Variants in NR6A1 observed in about 807,000 individuals in gnomAD.
NR6A1 encodes retinoic acid receptor-related testis-associated receptor.
A neutral mutation model predicts 59.1 loss-of-function variants in NR6A1; 7 were observed. The ratio of observed to expected loss-of-function variants is 0.12; its 90% CI spans 0.07 to 0.22. The LOEUF is 0.22. NR6A1 is among the 10% of genes least tolerant of loss of function. NR6A1 has a pLI of 1.00. For missense variants in NR6A1, 468 were observed against 611.6 expected, an observed-to-expected ratio of 0.77 and a Z score of 2.48; for synonymous variants, 243 against 236.1, an observed-to-expected ratio of 1.03 and a Z score of -0.27.
chr9:124,614,132 TG>T (rs1273694673), intron 2 of NR6A1, among the ~76,000 whole-genome samples: 1 of 152,020 alleles, frequency 6.6e-6, no homozygotes, highest in East Asian at 1.9e-4. Context: ...GATTAGAAGC[TG>T]GGAGTCCAGG....
chr9:124,622,632 G>C (rs1836110011), intron 2 of NR6A1, among the ~76,000 whole-genome samples: 1 of 152,038 alleles, frequency 6.6e-6, no homozygotes, highest in Non-Finnish European at 1.5e-5. Flanking sequence ...CTTTTGTTTT[G>C]ATACTTGATA....
intron 2 of NR6A1, among the ~76,000 whole-genome samples, chr9:124,587,031 C>T (rs1322294717): frequency 3.3e-5 from 5 of 152,174 alleles, no homozygotes; most frequent in African/African-American, 1.2e-4. Context: ...GGCTTCATTG[C>T]CTTATTTTAA....
chr9:124,739,058 G>A (rs560133667), intron 1 of NR6A1, among the ~76,000 whole-genome samples: 1 of 150,620 alleles, frequency 6.6e-6, no homozygotes, highest in East Asian at 2.0e-4. Context: ...GGTGGTGGCA[G>A]GTGCCTATAA....
At chr9:124,650,453 G>A (rs991306402) in intron 2 of NR6A1, among the ~76,000 whole-genome samples, 4 of 152,150 alleles carry the variant, frequency 2.6e-5, no homozygotes, top group Non-Finnish European at 5.9e-5. Flanking sequence ...AGGGACAGTG[G>A]GGGATGAAGA....
intron 2 of NR6A1, among the ~76,000 whole-genome samples, chr9:124,635,930 A>G (rs923356526): frequency 1.3e-5 from 2 of 152,238 alleles, no homozygotes; most frequent in Non-Finnish European, 2.9e-5. Flanking sequence ...ATTTTGTAAG[A>G]CAAACTGTCT....
chr9:124,700,754 C>CTTTTT (rs35704226), intron 2 of NR6A1, among the ~76,000 whole-genome samples: 12 of 91,286 alleles, frequency 1.3e-4, no homozygotes, highest in Admixed American at 5.1e-4. Flanking sequence ...TTTACATAGC[C>CTTTTT]TTTTTTTTTT....
intron 7 of NR6A1, among the ~76,000 whole-genome samples, chr9:124,529,924 T>TG (rs1833050449): frequency 6.6e-6 from 1 of 152,034 alleles, no homozygotes; most frequent in South Asian, 2.1e-4. Context: ...GGGGATGAAA[T>TG]GGGGTAGGGC....
intron 2 of NR6A1, chr9:124,599,358 G>A: frequency 2.8e-6 from 1 of 359,858 alleles, no homozygotes; most frequent in South Asian, 2.3e-5. Flanking sequence ...GGCGGAGGTT[G>A]CAGTGAGCCG....
intron 3 of NR6A1, among the ~76,000 whole-genome samples, chr9:124,551,560 TGTAA>T (rs1202446761): frequency 6.6e-6 from 1 of 152,242 alleles, no homozygotes; most frequent in Non-Finnish European, 1.5e-5. Flanking sequence ...TTTGTTTGTA[TGTAA>T]TTCTTTTTGT....
At chr9:124,526,533 A>G (rs1832943272) in intron 8 of NR6A1, among the ~76,000 whole-genome samples, 1 of 152,010 alleles carries the variant, frequency 6.6e-6, no homozygotes, top group Non-Finnish European at 1.5e-5. Flanking sequence ...TTCCTCTATG[A>G]GTTATAGAGA....
At chr9:124,654,041 T>C (rs1174593545) in intron 2 of NR6A1, among the ~76,000 whole-genome samples, 1 of 152,154 alleles carries the variant, frequency 6.6e-6, no homozygotes, top group African/African-American at 2.4e-5. Flanking sequence ...TGTATGAAAA[T>C]GCTGGAAGAA....
At chr9:124,560,401 C>T (rs1393745758) in intron 2 of NR6A1, among the ~76,000 whole-genome samples, 1 of 152,002 alleles carries the variant, frequency 6.6e-6, no homozygotes, top group Non-Finnish European at 1.5e-5. Flanking sequence ...TTATTTCTTC[C>T]ATCTCCTTCT....
chr9:124,739,404 T>C (rs964390746), intron 1 of NR6A1, among the ~76,000 whole-genome samples: 1 of 152,230 alleles, frequency 6.6e-6, no homozygotes, highest in African/African-American at 2.4e-5. Flanking sequence ...AGTCTAGGAA[T>C]CTTATTTCAT....
intron 2 of NR6A1, among the ~76,000 whole-genome samples, chr9:124,561,015 G>GA (rs1834070629): frequency 6.6e-6 from 1 of 152,144 alleles, no homozygotes; most frequent in Non-Finnish European, 1.5e-5. Flanking sequence ...GGATAGAAAA[G>GA]AAAATGACAG....
At chr9:124,565,500 T>C (rs1015320246) in intron 2 of NR6A1, among the ~76,000 whole-genome samples, 2 of 151,754 alleles carry the variant, frequency 1.3e-5, no homozygotes, top group East Asian at 3.9e-4. Flanking sequence ...GAAGAAAACA[T>C]TGATAAAATG....
chr9:124,727,921 G>C (rs1034282322), intron 2 of NR6A1, among the ~76,000 whole-genome samples: 2 of 152,052 alleles, frequency 1.3e-5, no homozygotes, highest in African/African-American at 4.8e-5. Context: ...CTGACCTCAT[G>C]ATCTGCCCAC....
chr9:124,570,170 T>C (rs1402100122), intron 2 of NR6A1, among the ~76,000 whole-genome samples: 1 of 152,208 alleles, frequency 6.6e-6, no homozygotes, highest in East Asian at 1.9e-4. Flanking sequence ...GATGAATACA[T>C]AATTGACTAT....
chr9:124,614,801 A>C (rs1835843865), intron 2 of NR6A1, among the ~76,000 whole-genome samples: 1 of 152,206 alleles, frequency 6.6e-6, no homozygotes, highest in Non-Finnish European at 1.5e-5. Context: ...GTGCTTTTCA[A>C]GTCTCTGCAA....
intron 1 of NR6A1, among the ~76,000 whole-genome samples, chr9:124,734,873 T>C (rs772549662): frequency 1.3e-5 from 2 of 152,090 alleles, no homozygotes; most frequent in African/African-American, 4.8e-5. Context: ...TACGGAGTTT[T>C]GCTCTATCGC....
Sources: allele counts gnomAD v4.1 joint callset (sites outside exome capture counted in the v4.1 genomes callset), GRCh38; gene constraint gnomAD v4.1.1; transcripts MANE v1.5; gene names NCBI Gene and HGNC (gene_info 2026-07-23, HGNC 2026-07-21).